The following TNFRSF8 variants were observed in gnomAD, a reference collection of about 807,000 sequenced individuals.
The protein encoded by TNFRSF8 is tumor necrosis factor receptor superfamily member 8.
TNFRSF8 carries 26 observed loss-of-function variants against 70.8 expected under a neutral mutation model. The ratio of observed to expected loss-of-function variants is 0.37; its 90% CI spans 0.27 to 0.51. TNFRSF8 has a LOEUF of 0.51. Among genes scored for constraint, TNFRSF8 ranks in the 20% least tolerant of loss-of-function variants. The probability of loss-of-function intolerance (pLI) is 0.94; values close to 1 mark genes in which losing one functional copy is unlikely to be tolerated. For missense variants in TNFRSF8, 720 were observed against 807.9 expected, an observed-to-expected ratio of 0.89 and a Z score of 1.32; for synonymous variants, 356 against 339.2, an observed-to-expected ratio of 1.05 and a Z score of -0.54.
intron 3 of TNFRSF8, among the ~76,000 whole-genome samples, chr1:12,101,945 G>A (rs1212882088): frequency 6.6e-6 from 1 of 152,146 alleles, no homozygotes; most frequent in East Asian, 1.9e-4. Flanking sequence ...AAAGTGCTGG[G>A]ATTACAGGCG....
chr1:12,068,302 C>G (rs754430810), intron 1 of TNFRSF8, among the ~76,000 whole-genome samples: 26 of 152,130 alleles, frequency 1.7e-4, no homozygotes, highest in Non-Finnish European at 4.4e-5. Flanking sequence ...AGCCGGTGCA[C>G]TGACCCTGGG....
intron 6 of TNFRSF8, among the ~76,000 whole-genome samples, chr1:12,111,517 C>T (rs61011587): frequency 2.7e-4 from 41 of 152,186 alleles, no homozygotes; most frequent in African/African-American, 9.4e-4. Context: ...CAGGAGGCAC[C>T]CAGCCCCTCC....
At chr1:12,077,249 A>G (rs1640981575) in intron 1 of TNFRSF8, among the ~76,000 whole-genome samples, 1 of 152,192 alleles carries the variant, frequency 6.6e-6, no homozygotes, top group Admixed American at 6.5e-5. Flanking sequence ...CTAATCCTTG[A>G]AACCTGATAC....
At chr1:12,072,517 C>T (rs1464411820) in intron 1 of TNFRSF8, among the ~76,000 whole-genome samples, 1 of 152,102 alleles carries the variant, frequency 6.6e-6, no homozygotes, top group African/African-American at 2.4e-5. Flanking sequence ...GCCAGCTTTG[C>T]CCAGGGCTCT....
At chr1:12,081,320 C>T (rs1450320624) in intron 1 of TNFRSF8, among the ~76,000 whole-genome samples, 1 of 152,090 alleles carries the variant, frequency 6.6e-6, no homozygotes, top group East Asian at 1.9e-4. Context: ...GACAAGGACC[C>T]AGAATGTTCC....
At position 12,126,028 on chromosome 1, in the gene TNFRSF8, G is replaced by A; in HGVS notation, c.1231G>A (p.Ala411Thr). Residue 411 changes from alanine (A) to threonine (T), a missense_variant, in exon 11 of 15, where the codon GCC becomes ACC. Physicochemically the swap from Ala to Thr is moderately conservative, Grantham distance 58. Coordinates refer to ENST00000263932, the MANE Select transcript of TNFRSF8 (RefSeq NM_001243.5). ...CGCCTTCCTCCTGTGCCACCGGAGGGCCTGCAGGAAGCGAATTCGGCAGAG... is the reference window on the plus strand; with the variant it reads ...CGCCTTCCTCCTGTGCCACCGGAGGACCTGCAGGAAGCGAATTCGGCAGAG... ...SSAFLLCHRR[A>T]CRKRIRQKLH... The A allele has an allele frequency of 6.2e-7, 1 of 1,614,154 alleles. No individual in the cohort carries two copies. The highest frequency in any genetic ancestry group is 8.5e-7 in the Non-Finnish European group (1 of 1,179,988).
chr1:12,080,337 T>G, intron 1 of TNFRSF8: 1 of 524,188 alleles, frequency 1.9e-6, no homozygotes, highest in South Asian at 1.4e-5. Flanking sequence ...TCCGGCCGAA[T>G]CAGGGTGCTG....
intron 3 of TNFRSF8, among the ~76,000 whole-genome samples, chr1:12,099,019 G>A (rs1444867676): frequency 6.6e-6 from 1 of 152,118 alleles, no homozygotes; most frequent in African/African-American, 2.4e-5. Context: ...CTGTTCCTGA[G>A]TTTTTCACTT....
At position 12,110,891 on chromosome 1, in the gene TNFRSF8, G is replaced by A. The variant is rs1351905229; in HGVS notation, c.676+687G>A. ...GGGAGGATTACAGGCGTGAGCCACC[G>A]CGCCCAACCTAGTCCCATTTTATTA... is the stretch of plus-strand genomic sequence containing the variant. On this transcript the variant is annotated intron_variant, in intron 6 of 14. Coordinates refer to ENST00000263932, the MANE Select transcript of TNFRSF8 (RefSeq NM_001243.5). The surrounding 1 kb of genome is among the most constrained non-coding windows in gnomAD (Gnocchi z 4.0). Among the ~76,000 whole-genome samples the A allele has an allele frequency of 1.3e-5, 2 of 152,156 alleles. No homozygotes were observed. The highest frequency in any genetic ancestry group is 1.3e-4 in the Admixed American group (2 of 15,278).
At position 12,142,107 on chromosome 1, in the gene TNFRSF8, G is replaced by T. The variant is rs1642263277; in HGVS notation, c.1544-180G>T. On this transcript the variant is annotated intron_variant, in intron 14 of 14. Coordinates refer to ENST00000263932, the MANE Select transcript of TNFRSF8 (RefSeq NM_001243.5). This position sits in a 1 kb window ranked among gnomAD's most constrained non-coding sequence, Gnocchi z 5.0. ...TTAACTCCTCAAGGCCCAGCTCCTA[G>T]CTGTTCTATTTCCTCTGAGCCCCCA... Among the ~76,000 whole-genome samples, 1 of 152,204 alleles carries T rather than the reference G, an allele frequency of 6.6e-6. No homozygotes were observed. Among genetic ancestry groups the T allele is most frequent in the Admixed American group, 6.5e-5 (1 of 15,278 alleles).
Position 12,109,419 on chromosome 1 carries a change from G to T in TNFRSF8, c.422-147G>T. The stretch of plus-strand genomic sequence containing the variant: ...AGGCTGCTTTACTCTGAAGGGGAAC[G>T]GGTGCCAGGCGGGTGCCACCTCCAG... On this transcript the variant is annotated intron_variant, in intron 4 of 14. Transcript: ENST00000263932. The surrounding 1 kb of genome is among the most constrained non-coding windows in gnomAD (Gnocchi z 4.4). The T allele has an allele frequency of 1.6e-6, 1 of 612,410 alleles. No individual in the cohort carries two copies. The allele number at this position is 612,410 out of a possible 1,614,324, so 37.9% of individuals were successfully genotyped here.
chr1:12,075,965 C>G (rs1210381477), intron 1 of TNFRSF8, among the ~76,000 whole-genome samples: 3 of 152,236 alleles, frequency 2.0e-5, no homozygotes, highest in Admixed American at 2.0e-4. Context: ...GTAAAACTCT[C>G]CTCCACACAG....
chr1:12,135,825 G>T (rs759843178), intron 13 of TNFRSF8, among the ~76,000 whole-genome samples: 1 of 152,094 alleles, frequency 6.6e-6, no homozygotes, highest in African/African-American at 2.4e-5. Context: ...CAGAGGCCTC[G>T]CCTGGGGCCT....
Position 12,112,416 on chromosome 1 carries a change from G to T in TNFRSF8, c.793+402G>T, listed in dbSNP as rs1385547865. On this transcript the variant is annotated intron_variant, in intron 7 of 14. Coordinates refer to ENST00000263932, the MANE Select transcript of TNFRSF8 (RefSeq NM_001243.5). This position sits in a 1 kb window ranked among gnomAD's most constrained non-coding sequence, Gnocchi z 5.3. ...TCTTTTTTTTTTTTTCCCAGACAGG[G>T]TCTCACTCCTTCACCCAAGCTGCAG... Among the ~76,000 whole-genome samples the T allele has an allele frequency of 6.6e-6, 1 of 151,012 alleles. No individual in the cohort carries two copies. The highest frequency in any genetic ancestry group is 2.4e-5 in the African/African-American group (1 of 41,038).
At chr1:12,077,466 A>G (rs1640986387) in intron 1 of TNFRSF8, among the ~76,000 whole-genome samples, 1 of 152,230 alleles carries the variant, frequency 6.6e-6, no homozygotes, top group Non-Finnish European at 1.5e-5. Flanking sequence ...AGGATGCCAC[A>G]GTCCCTAGAA....
intron 1 of TNFRSF8, among the ~76,000 whole-genome samples, chr1:12,081,368 C>T (rs570794754): frequency 6.6e-6 from 1 of 152,260 alleles, no homozygotes; most frequent in East Asian, 1.9e-4. Flanking sequence ...CCTCACACCT[C>T]CAGCCAGCCC....
rs866473544 is a variant in TNFRSF8, at chr1:12,110,691, T to C, written c.676+487T>C. ...TCGGCTCACTGCCACCTCCACCTCC[T>C]GGGTTCAAGCGATTCTCCTGCCTCA... is the stretch of plus-strand genomic sequence containing the variant. On this transcript the variant is annotated intron_variant, in intron 6 of 14. Transcript: ENST00000263932. The surrounding 1 kb of genome is among the most constrained non-coding windows in gnomAD (Gnocchi z 4.0). Among the ~76,000 whole-genome samples the C allele has an allele frequency of 6.6e-6, 1 of 152,092 alleles. No homozygotes were observed. The highest frequency in any genetic ancestry group is 2.4e-5 in the African/African-American group (1 of 41,408).
chr1:12,093,460 T>C (rs1641279384), intron 2 of TNFRSF8, among the ~76,000 whole-genome samples: 1 of 152,066 alleles, frequency 6.6e-6, no homozygotes, highest in Non-Finnish European at 1.5e-5. Context: ...TGACAGAACA[T>C]GTTTTAATGA....
chr1:12,135,470 C>T, intron 12 of TNFRSF8, 118 bp from the exon 13 acceptor site: 15 of 1,435,414 alleles, frequency 1.0e-5, no homozygotes, highest in Admixed American at 1.9e-5. Context: ...AGGACCTGAC[C>T]CCTGGGCTGA....
Sources: gnomAD v4.1 joint callset for allele counts (sites outside exome capture counted in the v4.1 genomes callset) on GRCh38, gnomAD v4.1.1 for gene constraint, Gnocchi (gnomAD v3.1) non-coding constraint, MANE v1.5 for transcripts, NCBI Gene and HGNC (gene_info 2026-07-23, HGNC 2026-07-21) for gene names.